The following CCDC141 variants were observed in gnomAD, a reference collection of about 807,000 sequenced individuals.
The protein encoded by CCDC141 is coiled-coil domain containing 141.
Under a neutral mutation model 181.0 loss-of-function variants are expected in CCDC141, and 168 were observed. The observed-to-expected ratio is 0.93, with a 90% CI of 0.82 to 1.05. CCDC141 has a LOEUF of 1.05. Ranked by LOEUF, CCDC141 falls within the 50% of genes least tolerant of loss-of-function variation. The probability of loss-of-function intolerance (pLI) is 0.00; values close to 1 mark genes in which losing one functional copy is unlikely to be tolerated. For synonymous variants in CCDC141, 666 were observed against 642.3 expected (o/e 1.04, Z -0.56); for missense variants, 1,902 against 1,788.5 (o/e 1.06, Z -1.14).
chr2:178,990,139 C>A (rs1456165439), intron 2 of CCDC141, among the ~76,000 whole-genome samples: 123 of 119,098 alleles, frequency 1.0e-3, no homozygotes, highest in Middle Eastern at 4.5e-3. Flanking sequence ...AATTCCATCT[C>A]AAAAAAAAAA....
chr2:178,985,936 A>G (rs906461077), intron 2 of CCDC141, among the ~76,000 whole-genome samples: 9 of 152,192 alleles, frequency 5.9e-5, no homozygotes, highest in Admixed American at 1.3e-4. Flanking sequence ...CAATCAATAG[A>G]AAAAGAGGGA....
chr2:178,874,257 G>T (rs1388406345), intron 12 of CCDC141: 2 of 152,108 alleles, frequency 1.3e-5, no homozygotes, highest in South Asian at 2.1e-4. Flanking sequence ...AATTTCCTTA[G>T]TACGTGGGCT....
At chr2:178,855,591 G>T in intron 18 of CCDC141, 50 bp from the exon 19 acceptor site, 1 of 1,278,182 alleles carries the variant, frequency 7.8e-7, no homozygotes, top group Non-Finnish European at 1.1e-6. Context: ...TTGTATTTAT[G>T]ATGCTAGTGA....
intron 2 of CCDC141, among the ~76,000 whole-genome samples, chr2:179,046,388 C>T (rs2043498263): frequency 6.6e-6 from 1 of 152,242 alleles, no homozygotes; most frequent in South Asian, 2.1e-4. Context: ...CTTGGCACCT[C>T]ATCAGACATG....
chr2:178,983,295 C>G (rs1051992653), intron 2 of CCDC141, among the ~76,000 whole-genome samples: 9 of 152,136 alleles, frequency 5.9e-5, no homozygotes, highest in African/African-American at 2.2e-4. Context: ...AAATGACATC[C>G]ACACCAAAAA....
intron 6 of CCDC141, among the ~76,000 whole-genome samples, chr2:178,931,990 AC>A (rs1219854539): frequency 6.6e-6 from 1 of 151,534 alleles, no homozygotes. Context: ...ACATGATGAA[AC>A]CCCGTCTCTA....
At chr2:178,964,324 AG>A in intron 4 of CCDC141, among the ~76,000 whole-genome samples, 1 of 152,310 alleles carries the variant, frequency 6.6e-6, no homozygotes, top group Admixed American at 6.5e-5. Flanking sequence ...GGGTCTCCAC[AG>A]GGTTTCCTTC....
chr2:178,849,048 A>G (rs1198875704), intron 21 of CCDC141, among the ~76,000 whole-genome samples: 1 of 152,184 alleles, frequency 6.6e-6, no homozygotes, highest in African/African-American at 2.4e-5. Flanking sequence ...ATTTTTAACC[A>G]AAGGATAAAG....
chr2:178,846,833 A>G (rs1302493132), intron 21 of CCDC141, among the ~76,000 whole-genome samples: 1 of 152,186 alleles, frequency 6.6e-6, no homozygotes, highest in East Asian at 1.9e-4. Context: ...ATCACTGGAG[A>G]TAATGTATAT....
At chr2:178,844,483 C>A (rs1180066985) in intron 22 of CCDC141, among the ~76,000 whole-genome samples, 3 of 152,086 alleles carry the variant, frequency 2.0e-5, no homozygotes, top group Admixed American at 2.0e-4. Flanking sequence ...AACGTAAAAC[C>A]ATTTGATACA....
intron 2 of CCDC141, among the ~76,000 whole-genome samples, chr2:179,030,907 A>T (rs904257106): frequency 5.3e-5 from 8 of 152,124 alleles, no homozygotes; most frequent in Non-Finnish European, 8.8e-5. Flanking sequence ...CAGGCTCTGT[A>T]TGCATTAGTT....
intron 8 of CCDC141, among the ~76,000 whole-genome samples, chr2:178,888,988 C>A (rs1657221746): frequency 6.6e-6 from 1 of 152,168 alleles, no homozygotes; most frequent in African/African-American, 2.4e-5. Context: ...TTTACCACGA[C>A]TTTTCCTTAG....
At chr2:178,974,461 A>C (rs751946985) in intron 4 of CCDC141, among the ~76,000 whole-genome samples, 1 of 152,184 alleles carries the variant, frequency 6.6e-6, no homozygotes, top group South Asian at 2.1e-4. Flanking sequence ...GCCCACACCA[A>C]ATTCTTGTAG....
intron 2 of CCDC141, among the ~76,000 whole-genome samples, chr2:179,017,277 C>T (rs1401894746): frequency 6.6e-6 from 1 of 152,004 alleles, no homozygotes; most frequent in African/African-American, 2.4e-5. Context: ...GATAGAGACA[C>T]CTGTGTTAAG....
At chr2:178,920,349 A>G (rs963299325) in intron 6 of CCDC141, among the ~76,000 whole-genome samples, 1 of 152,226 alleles carries the variant, frequency 6.6e-6, no homozygotes, top group South Asian at 2.1e-4. Context: ...GTTTCCATTC[A>G]TTCATTTTAC....
chr2:178,838,067 T>C (rs1386943764), intron 22 of CCDC141, among the ~76,000 whole-genome samples: 1 of 152,184 alleles, frequency 6.6e-6, no homozygotes, highest in Non-Finnish European at 1.5e-5. Flanking sequence ...AACCATGATC[T>C]GGGGAGTCTT....
chr2:178,890,033 G>T (rs985503142), intron 8 of CCDC141, among the ~76,000 whole-genome samples: 1 of 152,106 alleles, frequency 6.6e-6, no homozygotes, highest in Non-Finnish European at 1.5e-5. Flanking sequence ...TAAAAGCCCA[G>T]CTTTCCTATA....
At chr2:178,899,416 CAT>C (rs1342465463) in intron 8 of CCDC141, among the ~76,000 whole-genome samples, 1 of 151,930 alleles carries the variant, frequency 6.6e-6, no homozygotes, top group African/African-American at 2.4e-5. Flanking sequence ...TGGTGGTGCA[CAT>C]AGAGAGGGCT....
At chr2:179,045,635 A>T (rs200791732) in intron 2 of CCDC141, among the ~76,000 whole-genome samples, 10 of 151,578 alleles carry the variant, frequency 6.6e-5, no homozygotes, top group Non-Finnish European at 8.8e-5. Flanking sequence ...CCAACAGTGT[A>T]AAAGTGTTCC....
Sources: gnomAD v4.1 joint callset for allele counts (sites outside exome capture counted in the v4.1 genomes callset) on GRCh38, gnomAD v4.1.1 for gene constraint, MANE v1.5 for transcripts, NCBI Gene and HGNC (gene_info 2026-07-23, HGNC 2026-07-21) for gene names.